The following ZNF804A variants were observed in gnomAD, a reference collection of about 807,000 sequenced individuals.
ZNF804A encodes the protein zinc finger protein 804A.
ZNF804A carries 2 observed loss-of-function variants against 16.5 expected under a neutral mutation model. That is an observed-to-expected ratio of 0.12 (90% CI 0.05 to 0.38). ZNF804A has a LOEUF of 0.38. Among genes scored for constraint, ZNF804A ranks in the 10% least tolerant of loss-of-function variants. ZNF804A has a pLI of 0.99. For synonymous variants in ZNF804A, 534 were observed against 489.6 expected (o/e 1.09, Z -1.20); for missense variants, 1,473 against 1,390.7 (o/e 1.06, Z -0.94).
At chr2:184,743,938 G>C (rs1174548513) in intron 1 of ZNF804A, among the ~76,000 whole-genome samples, 1 of 151,896 alleles carries the variant, frequency 6.6e-6, no homozygotes, top group Non-Finnish European at 1.5e-5. Context: ...GCTGCCTAGA[G>C]AATCCTGTAA....
At chr2:184,811,306 C>T (rs1460415371) in intron 1 of ZNF804A, among the ~76,000 whole-genome samples, 1 of 152,136 alleles carries the variant, frequency 6.6e-6, no homozygotes, top group Admixed American at 6.6e-5. Flanking sequence ...AGTAGCCTTG[C>T]ATAGTAATTT....
At chr2:184,825,931 G>T (rs1405871885) in intron 1 of ZNF804A, among the ~76,000 whole-genome samples, 1 of 151,968 alleles carries the variant, frequency 6.6e-6, no homozygotes, top group African/African-American at 2.4e-5. Context: ...GAGTGCAGTG[G>T]CACGATCACG....
chr2:184,663,264 C>A (rs1467699525), intron 1 of ZNF804A, among the ~76,000 whole-genome samples: 1 of 152,186 alleles, frequency 6.6e-6, no homozygotes, highest in Non-Finnish European at 1.5e-5. Context: ...CTGGCCTTTC[C>A]CTGCTCACTG....
In ZNF804A at chr2:184,641,102, C is replaced by T. The variant is rs192209405; in HGVS notation, c.111+42032C>T. On this transcript the variant is annotated intron_variant, in intron 1 of 3. Transcript: ENST00000302277. ...CCTGAGTAGCTGGGATTACAGGAGCCGGCCACTATGACTGGCTAATATTTG... is the reference window on the plus strand; with the variant it reads ...CCTGAGTAGCTGGGATTACAGGAGCTGGCCACTATGACTGGCTAATATTTG... Among the ~76,000 whole-genome samples, 245 of 152,156 alleles carry T rather than the reference C, an allele frequency of 1.6e-3. 1 individual carries two copies. Among genetic ancestry groups the T allele is most frequent in the Middle Eastern group, 3.4e-3 (1 of 294 alleles).
intron 3 of ZNF804A, among the ~76,000 whole-genome samples, chr2:184,935,540 T>A (rs985690944): frequency 7.2e-5 from 11 of 152,140 alleles, no homozygotes; most frequent in Non-Finnish European, 1.3e-4. Flanking sequence ...ATCCTCAACA[T>A]TGCTCATAAC....
At chr2:184,793,880 T>C (rs1403207781) in intron 1 of ZNF804A, among the ~76,000 whole-genome samples, 1 of 152,102 alleles carries the variant, frequency 6.6e-6, no homozygotes, top group East Asian at 1.9e-4. Flanking sequence ...TCTTATCCAA[T>C]TGGCTGCAAA....
chr2:184,787,531 CT>C (rs1694467498), intron 1 of ZNF804A, among the ~76,000 whole-genome samples: 2 of 151,668 alleles, frequency 1.3e-5, no homozygotes, highest in South Asian at 4.2e-4. Flanking sequence ...GTTTTTTTGA[CT>C]TTTTAATAAA....
chr2:184,737,852 A>T (rs1693652388), intron 1 of ZNF804A, among the ~76,000 whole-genome samples: 1 of 152,172 alleles, frequency 6.6e-6, no homozygotes, highest in East Asian at 1.9e-4. Context: ...GTCCAGGCGC[A>T]GTGGCTTACG....
intron 1 of ZNF804A, among the ~76,000 whole-genome samples, chr2:184,846,024 A>G (rs945143239): frequency 3.3e-5 from 5 of 152,254 alleles, no homozygotes; most frequent in Middle Eastern, 3.4e-3. Context: ...CTCCAATAAT[A>G]CTAAGACAAA....
intron 1 of ZNF804A, among the ~76,000 whole-genome samples, chr2:184,630,892 T>A (rs1230739197): frequency 6.6e-6 from 1 of 152,148 alleles, no homozygotes; most frequent in Non-Finnish European, 1.5e-5. Context: ...AAATATTTTA[T>A]TGCTAAAATT....
intron 1 of ZNF804A, among the ~76,000 whole-genome samples, chr2:184,838,525 G>A (rs975129372): frequency 6.6e-6 from 1 of 151,940 alleles, no homozygotes; most frequent in Non-Finnish European, 1.5e-5. Context: ...TCTTTATTTT[G>A]CTAATTAAAC....
At chr2:184,648,274 A>G (rs952363208) in intron 1 of ZNF804A, among the ~76,000 whole-genome samples, 10 of 152,176 alleles carry the variant, frequency 6.6e-5, no homozygotes, top group African/African-American at 2.2e-4. Flanking sequence ...TTACACATAG[A>G]AGCAAACAAA....
At chr2:184,894,619 AATT>A (rs1489033382) in intron 2 of ZNF804A, among the ~76,000 whole-genome samples, 1 of 152,040 alleles carries the variant, frequency 6.6e-6, no homozygotes, top group African/African-American at 2.4e-5. Context: ...ATATTGATAA[AATT>A]ATTATATATT....
At chr2:184,745,049 A>G (rs916638602) in intron 1 of ZNF804A, among the ~76,000 whole-genome samples, 1 of 151,858 alleles carries the variant, frequency 6.6e-6, no homozygotes, top group Non-Finnish European at 1.5e-5. Context: ...TTTTAAAAAC[A>G]CTGTTGCTCT....
chr2:184,814,362 C>G (rs980016810), intron 1 of ZNF804A, among the ~76,000 whole-genome samples: 1 of 151,986 alleles, frequency 6.6e-6, no homozygotes, highest in Admixed American at 6.6e-5. Context: ...CTGTTTTGCA[C>G]TCGATAAGTT....
At chr2:184,849,517 A>T (rs1292024311) in intron 1 of ZNF804A, among the ~76,000 whole-genome samples, 1 of 152,078 alleles carries the variant, frequency 6.6e-6, no homozygotes, top group East Asian at 1.9e-4. Context: ...AGAACTGTAA[A>T]TCAAAACCAC....
At chr2:184,788,699 A>G (rs1694487409) in intron 1 of ZNF804A, among the ~76,000 whole-genome samples, 1 of 152,032 alleles carries the variant, frequency 6.6e-6, no homozygotes, top group Non-Finnish European at 1.5e-5. Context: ...CTGTGACTTT[A>G]CTGAAGTCAA....
At chr2:184,682,809 C>T (rs1692564058) in intron 1 of ZNF804A, among the ~76,000 whole-genome samples, 1 of 152,008 alleles carries the variant, frequency 6.6e-6, no homozygotes, top group South Asian at 2.1e-4. Context: ...GAGTTCAAGA[C>T]CAGCCTGGGA....
chr2:184,866,444 G>A lies in ZNF804A; in HGVS notation c.187G>A (p.Asp63Asn), dbSNP rs764396511. 17 of 1,613,050 alleles carry A rather than the reference G, an allele frequency of 1.1e-5. No homozygotes were observed. The highest frequency in any genetic ancestry group is 1.4e-5 in the Non-Finnish European group (17 of 1,179,540). ...GGCAAATTTTTACTGTGAACTCTGT[G>A]ACAAGCAGTACTATAAGCACCAGGA... Reference protein sequence around the residue: ...LKANFYCELCDKQYYKHQEFD... With the variant: ...LKANFYCELCNKQYYKHQEFD... The change falls in exon 2 of 4, where the codon GAC (aspartate) becomes AAC (asparagine). Residue 63 changes from aspartate to asparagine, a missense_variant. Transcript: ENST00000302277.
Sources: gnomAD v4.1 joint callset for allele counts (sites outside exome capture counted in the v4.1 genomes callset) on GRCh38, gnomAD v4.1.1 for gene constraint, MANE v1.5 for transcripts, NCBI Gene and HGNC (gene_info 2026-07-23, HGNC 2026-07-21) for gene names.